SKIC3: variants seen among roughly 807,000 people sequenced by gnomAD.
SKIC3 encodes SKI3 subunit of superkiller complex, also known as superkiller complex protein 3.
At chr5:95,505,510 T>A in the SKIC3 span, among the ~76,000 whole-genome samples, 1,949 of 152,230 alleles carry the variant, frequency 0.013, 46 homozygotes, top group African/African-American at 0.044. Context: ...ATCTGAAATT[T>A]TTTTGGAAAA....
chr5:95,543,197 A>G, the SKIC3 span: 1 of 1,614,026 alleles, frequency 6.2e-7, no homozygotes, highest in Non-Finnish European at 8.5e-7. Flanking sequence ...CCAAGCTAGT[A>G]ATTGGTCTGG....
the SKIC3 span, among the ~76,000 whole-genome samples, chr5:95,534,887 T>C: frequency 6.6e-6 from 1 of 152,236 alleles, no homozygotes; most frequent in Non-Finnish European, 1.5e-5. Context: ...AAACCACTGA[T>C]GGGCATTTCT....
chr5:95,514,202 T>A, the SKIC3 span, among the ~76,000 whole-genome samples: 1 of 152,226 alleles, frequency 6.6e-6, no homozygotes, highest in Non-Finnish European at 1.5e-5. Flanking sequence ...TAATTCATTA[T>A]AATTTCTCAA....
At chr5:95,552,774 A>C in the SKIC3 span, among the ~76,000 whole-genome samples, 2 of 151,848 alleles carry the variant, frequency 1.3e-5, no homozygotes, top group Non-Finnish European at 2.9e-5. Context: ...GATTAGCAAA[A>C]ATGTTGTACG....
the SKIC3 span, among the ~76,000 whole-genome samples, chr5:95,484,230 C>T: frequency 6.6e-6 from 1 of 151,782 alleles, no homozygotes; most frequent in Admixed American, 6.6e-5. Context: ...ATACAAAATG[C>T]TAAATGCAGT....
chr5:95,529,486 C>G, the SKIC3 span: 1 of 314,330 alleles, frequency 3.2e-6, no homozygotes, highest in South Asian at 3.2e-5. Context: ...CTAGGCCCTT[C>G]TACAATCTCA....
At chr5:95,520,898 T>C in the SKIC3 span, 2 of 1,081,480 alleles carry the variant, frequency 1.8e-6, no homozygotes, top group East Asian at 2.5e-5. Flanking sequence ...AAGTTATTGG[T>C]GTTATTTTAA....
chr5:95,492,636 C>CA, the SKIC3 span, among the ~76,000 whole-genome samples: 11 of 14,104 alleles, frequency 7.8e-4, no homozygotes, highest in East Asian at 2.5e-3. Context: ...GACTCCGTCT[C>CA]AAAAAAAAAA....
chr5:95,537,038 C>T, the SKIC3 span: 5 of 1,612,928 alleles, frequency 3.1e-6, no homozygotes, highest in East Asian at 1.1e-4. Context: ...AAAAAATCAA[C>T]TTACTTTGGA....
chr5:95,508,482 T>C, the SKIC3 span, among the ~76,000 whole-genome samples: 1 of 152,194 alleles, frequency 6.6e-6, no homozygotes, highest in Non-Finnish European at 1.5e-5. Flanking sequence ...CCTCCACTTC[T>C]CCACTTCTCT....
the SKIC3 span, chr5:95,529,051 G>T: frequency 1.9e-6 from 3 of 1,613,678 alleles, no homozygotes; most frequent in Non-Finnish European, 2.5e-6. Flanking sequence ...TTTGACTTGG[G>T]CTTCTGCCAG....
the SKIC3 span, chr5:95,491,127 A>T: frequency 1.4e-6 from 2 of 1,436,582 alleles, no homozygotes; most frequent in Admixed American, 4.6e-5. Flanking sequence ...TTTACAAGTT[A>T]AAAAAAAATT....
At chr5:95,509,380 C>G in the SKIC3 span, among the ~76,000 whole-genome samples, 1 of 152,106 alleles carries the variant, frequency 6.6e-6, no homozygotes, top group African/African-American at 2.4e-5. Context: ...CTCAGCAAAG[C>G]GAGAGGGGTT....
the SKIC3 span, among the ~76,000 whole-genome samples, chr5:95,476,549 T>C: frequency 6.6e-6 from 1 of 152,196 alleles, no homozygotes; most frequent in African/African-American, 2.4e-5. Context: ...ATGTCAAATG[T>C]TTTTTCAAGA....
the SKIC3 span, among the ~76,000 whole-genome samples, chr5:95,507,812 CA>C: frequency 2.6e-5 from 4 of 151,894 alleles, no homozygotes; most frequent in Non-Finnish European, 5.9e-5. Context: ...CAGAAAACAG[CA>C]GTGATGATCA....
chr5:95,478,506 A>G, the SKIC3 span: 5 of 1,594,270 alleles, frequency 3.1e-6, no homozygotes, highest in African/African-American at 2.7e-5. Flanking sequence ...TGTTACCCCT[A>G]CTTCCAACAA....
chr5:95,475,635 C>T, the SKIC3 span, among the ~76,000 whole-genome samples: 3 of 152,152 alleles, frequency 2.0e-5, no homozygotes, highest in Admixed American at 6.5e-5. Context: ...ATGCAACAGA[C>T]GAATACAGTT....
the SKIC3 span, chr5:95,513,726 AC>A: frequency 7.2e-7 from 1 of 1,380,662 alleles, no homozygotes; most frequent in South Asian, 1.2e-5. Flanking sequence ...GTCTAGAAGA[AC>A]CAAAGGTTTA....
At chr5:95,477,862 T>C in the SKIC3 span, among the ~76,000 whole-genome samples, 6 of 152,210 alleles carry the variant, frequency 3.9e-5, no homozygotes, top group African/African-American at 1.4e-4. Context: ...CAGATTCATA[T>C]ACGTAAATTG....
Sources: gnomAD v4.1 joint callset for allele counts (sites outside exome capture counted in the v4.1 genomes callset) on GRCh38, gnomAD v4.1.1 for gene constraint, MANE v1.5 for transcripts, NCBI Gene and HGNC (gene_info 2026-07-23, HGNC 2026-07-21) for gene names.